Variants in ZSCAN5A observed in about 807,000 individuals in gnomAD.
ZSCAN5A encodes the protein zinc finger and SCAN domain containing 5A.
ZSCAN5A carries 12 observed loss-of-function variants against 23.7 expected under a neutral mutation model. That is an observed-to-expected ratio of 0.51 (90% CI 0.32 to 0.82). The LOEUF is 0.82. Ranked by LOEUF, ZSCAN5A falls within the 40% of genes least tolerant of loss-of-function variation. The pLI is 0.03. For missense variants in ZSCAN5A, 597 were observed against 617.9 expected, an observed-to-expected ratio of 0.97 and a Z score of 0.36; for synonymous variants, 257 against 239.9, an observed-to-expected ratio of 1.07 and a Z score of -0.66.
chr19:56,226,392 C>T (rs887465518), intron 2 of ZSCAN5A, among the ~76,000 whole-genome samples: 2 of 152,196 alleles, frequency 1.3e-5, no homozygotes, highest in East Asian at 1.9e-4. Flanking sequence ...AACACATAAC[C>T]CACTAGAAGG....
At chr19:56,246,008 G>A (rs1363854522) in intron 2 of ZSCAN5A, among the ~76,000 whole-genome samples, 1 of 152,144 alleles carries the variant, frequency 6.6e-6, no homozygotes, top group East Asian at 1.9e-4. Context: ...CTAGAGTCAT[G>A]CTCCTTCCAG....
intron 2 of ZSCAN5A, among the ~76,000 whole-genome samples, chr19:56,326,002 C>G (rs980632438): frequency 2.0e-5 from 3 of 151,432 alleles, no homozygotes; most frequent in Non-Finnish European, 2.9e-5. Context: ...GTGTGATCTC[C>G]GCTCACTGCA....
intron 2 of ZSCAN5A, among the ~76,000 whole-genome samples, chr19:56,362,527 C>T (rs1306150492): frequency 6.6e-6 from 1 of 151,642 alleles, no homozygotes; most frequent in South Asian, 2.1e-4. Flanking sequence ...CGAGATTGCA[C>T]AAAAAGGCAA....
intron 2 of ZSCAN5A, among the ~76,000 whole-genome samples, chr19:56,336,204 G>A (rs1391228993): frequency 9.9e-5 from 15 of 152,028 alleles, no homozygotes; most frequent in African/African-American, 2.9e-4. Context: ...CATTCTCCCC[G>A]TCACTTTCAG....
intron 2 of ZSCAN5A, chr19:56,280,824 T>G (rs1371141915): frequency 6.6e-6 from 1 of 152,156 alleles, no homozygotes; most frequent in Non-Finnish European, 1.5e-5. Context: ...ATACCTCCCA[T>G]TAGGCCCCAC....
chr19:56,333,845 G>C (rs2041511251), intron 2 of ZSCAN5A, among the ~76,000 whole-genome samples: 2 of 149,790 alleles, frequency 1.3e-5, no homozygotes, highest in African/African-American at 5.0e-5. Context: ...ACAGGGGAAA[G>C]GAAAAAGAAA....
At chr19:56,270,482 C>T (rs1201689184) in intron 2 of ZSCAN5A, among the ~76,000 whole-genome samples, 1 of 152,016 alleles carries the variant, frequency 6.6e-6, no homozygotes, top group Non-Finnish European at 1.5e-5. Flanking sequence ...CAGTGAAACA[C>T]CATTTAGAAT....
intron 2 of ZSCAN5A, chr19:56,244,460 G>C (rs752485868): frequency 1.3e-6 from 2 of 1,560,348 alleles, no homozygotes; most frequent in South Asian, 1.2e-5. Flanking sequence ...TGCAGGGAAG[G>C]GGAGCTGGGA....
At chr19:56,257,339 T>C (rs898458743) in intron 2 of ZSCAN5A, among the ~76,000 whole-genome samples, 2 of 152,254 alleles carry the variant, frequency 1.3e-5, no homozygotes, top group African/African-American at 4.8e-5. Flanking sequence ...CAGGTGGAGA[T>C]GAACCCAAGG....
intron 2 of ZSCAN5A, among the ~76,000 whole-genome samples, chr19:56,341,980 A>T (rs1045679971): frequency 2.0e-5 from 3 of 152,276 alleles, no homozygotes; most frequent in Non-Finnish European, 4.4e-5. Context: ...AAAATATCTT[A>T]TAATTTATTG....
intron 2 of ZSCAN5A, among the ~76,000 whole-genome samples, chr19:56,327,502 AAATATGTAT>A (rs1479453681): frequency 6.6e-6 from 1 of 150,618 alleles, no homozygotes; most frequent in African/African-American, 2.4e-5. Context: ...TGTACATGTT[AAATATGTAT>A]ACCATATAAG....
intron 2 of ZSCAN5A, among the ~76,000 whole-genome samples, chr19:56,244,719 G>T: frequency 6.7e-6 from 1 of 150,212 alleles, no homozygotes; most frequent in East Asian, 1.9e-4. Context: ...TGGTGTAGGA[G>T]ATGGACAGGC....
chr19:56,302,605 TCCTCTCCCTCTTCCTC>T (rs1568726872), intron 2 of ZSCAN5A, among the ~76,000 whole-genome samples: 4 of 80,938 alleles, frequency 4.9e-5, no homozygotes, highest in Non-Finnish European at 9.4e-5. Context: ...TCCCTCTTCT[TCCTCTCCCTCTTCCTC>T]CCTCCCTCCT....
intron 1 of ZSCAN5A, chr19:56,363,436 T>G (rs1001935069): frequency 1.3e-5 from 2 of 152,248 alleles, no homozygotes; most frequent in African/African-American, 4.8e-5. Flanking sequence ...GCTATAAAGA[T>G]ATCTGAAAAT....
rs978222038 is a variant in ZSCAN5A at position 56,352,929 on chromosome 19, T to C, written c.-358+10306A>G. 2.0e-5 allele frequency among the ~76,000 whole-genome samples: 3 copies of C among 152,190 alleles called. No individual in the cohort carries two copies. Among genetic ancestry groups the C allele is most frequent in the African/African-American group, 7.2e-5 (3 of 41,458 alleles). On this transcript the variant is annotated intron_variant, in intron 2 of 6. Transcript: ENST00000587340. The surrounding 1 kb of genome is among the most constrained non-coding windows in gnomAD (Gnocchi z 4.2). Reference sequence around the variant, plus strand: ...GTTTCGATCTATTACACTACAGACATTGTGGGCCACATAATACATTTTCAG... The same window carrying C: ...GTTTCGATCTATTACACTACAGACACTGTGGGCCACATAATACATTTTCAG...
intron 2 of ZSCAN5A, among the ~76,000 whole-genome samples, chr19:56,270,202 G>A (rs1027921535): frequency 1.3e-5 from 2 of 150,722 alleles, no homozygotes; most frequent in Middle Eastern, 3.2e-3. Context: ...GGTGGATCAC[G>A]AGGTCAGGAG....
At chr19:56,236,812 A>G (rs1319712917) in intron 2 of ZSCAN5A, among the ~76,000 whole-genome samples, 1 of 145,010 alleles carries the variant, frequency 6.9e-6, no homozygotes, top group Non-Finnish European at 1.5e-5. Context: ...CCTCTGATGG[A>G]CGGTGGGCCA....
upstream of ZSCAN5A, chr19:56,319,726 G>T (rs138177389): frequency 1.5e-6 from 1 of 661,640 alleles, no homozygotes; most frequent in South Asian, 1.6e-5. Context: ...GCACAAACAA[G>T]ACCTGTTTAA....
At chr19:56,245,161 G>A (rs2035771086) in intron 2 of ZSCAN5A, 2 of 484,014 alleles carry the variant, frequency 4.1e-6, no homozygotes, top group Non-Finnish European at 7.6e-6. Flanking sequence ...AGGACCCAGG[G>A]AATATGAGAG....
Sources: gnomAD v4.1 joint callset for allele counts (sites outside exome capture counted in the v4.1 genomes callset) on GRCh38, gnomAD v4.1.1 for gene constraint, Gnocchi (gnomAD v3.1) non-coding constraint, MANE v1.5 for transcripts, NCBI Gene and HGNC (gene_info 2026-07-23, HGNC 2026-07-21) for gene names.